The following DIS3L2 variants were observed in gnomAD, a reference collection of about 807,000 sequenced individuals.
The protein encoded by DIS3L2 is DIS3-like exonuclease 2.
DIS3L2 carries 34 observed loss-of-function variants against 97.5 expected under a neutral mutation model. The observed-to-expected ratio is 0.35, with a 90% CI of 0.27 to 0.46. DIS3L2 has a LOEUF of 0.46. Ranked by LOEUF, DIS3L2 falls within the 20% of genes least tolerant of loss-of-function variation. DIS3L2 has a pLI of 1.00. For synonymous variants in DIS3L2, 435 were observed against 445.2 expected, an observed-to-expected ratio of 0.98 and a Z score of 0.29; for missense variants, 1,038 against 1,146.0, an observed-to-expected ratio of 0.91 and a Z score of 1.36.
chr2:232,037,386 C>A lies in DIS3L2; in HGVS notation c.366+7306C>A, dbSNP rs967074702. ...CTCCGTAATGGCAGACGCCCCTCCCCACCAAGCTCAAGTGTCCCAGGTCGA... is the reference window on the plus strand; with the variant it reads ...CTCCGTAATGGCAGACGCCCCTCCCAACCAAGCTCAAGTGTCCCAGGTCGA... On this transcript the variant is annotated intron_variant, in intron 5 of 20. Coordinates refer to ENST00000325385, the MANE Select transcript of DIS3L2 (RefSeq NM_152383.5). This position sits in a 1 kb window ranked among gnomAD's most constrained non-coding sequence, Gnocchi z 4.6. Among the ~76,000 whole-genome samples the A allele has an allele frequency of 6.6e-6, 1 of 152,212 alleles. No individual in the cohort carries two copies. Among genetic ancestry groups the A allele is most frequent in the African/African-American group, 2.4e-5 (1 of 41,456 alleles).
intron 9 of DIS3L2, among the ~76,000 whole-genome samples, chr2:232,201,380 T>G (rs1382896215): frequency 6.6e-6 from 1 of 152,236 alleles, no homozygotes; most frequent in Non-Finnish European, 1.5e-5. Context: ...TTTCTGTCTA[T>G]CCCTTTCTTC....
chr2:231,984,870 C>G (rs1693367769), intron 1 of DIS3L2, among the ~76,000 whole-genome samples: 3 of 152,224 alleles, frequency 2.0e-5, no homozygotes, highest in African/African-American at 7.2e-5. Flanking sequence ...ATCTGCCTGC[C>G]TCAGCCTCCT....
intron 6 of DIS3L2, among the ~76,000 whole-genome samples, chr2:232,100,494 T>G (rs796387178): frequency 2.6e-5 from 4 of 152,236 alleles, no homozygotes; most frequent in African/African-American, 9.6e-5. Context: ...TCTTGTTTTC[T>G]TTGAACTGTT....
chr2:232,173,982 G>C (rs1186565424), intron 9 of DIS3L2, among the ~76,000 whole-genome samples: 2 of 152,118 alleles, frequency 1.3e-5, no homozygotes, highest in Non-Finnish European at 2.9e-5. Flanking sequence ...AGGCACTCAG[G>C]ATTTTCATAA....
At chr2:232,232,694 C>T (rs531164171) in intron 10 of DIS3L2, among the ~76,000 whole-genome samples, 2 of 152,056 alleles carry the variant, frequency 1.3e-5, no homozygotes, top group African/African-American at 4.8e-5. Context: ...GTGATGTGAC[C>T]GTGGGACAGC....
intron 5 of DIS3L2, among the ~76,000 whole-genome samples, chr2:232,056,154 T>G (rs1244171649): frequency 6.6e-6 from 1 of 152,108 alleles, no homozygotes; most frequent in East Asian, 1.9e-4. Context: ...GCAGATCACC[T>G]GAGGTCAGGA....
At chr2:232,138,740 G>A (rs533101657) in intron 8 of DIS3L2, among the ~76,000 whole-genome samples, 3 of 152,206 alleles carry the variant, frequency 2.0e-5, no homozygotes, top group South Asian at 2.1e-4. Context: ...CTGTGGGTGC[G>A]AAAGTGTTAT....
chr2:232,222,535 G>A (rs1078093), intron 10 of DIS3L2, among the ~76,000 whole-genome samples: 70,787 of 151,978 alleles, frequency 0.47, 18,057 homozygotes, highest in African/African-American at 0.67. Flanking sequence ...CGATGGCGCA[G>A]TCTTGGCTTA....
chr2:232,292,485 C>T lies in DIS3L2; in HGVS notation c.1660-7555C>T, dbSNP rs1262594966. 6.6e-6 allele frequency among the ~76,000 whole-genome samples: 1 copy of T among 152,168 alleles called. No homozygotes were observed. The highest frequency in any genetic ancestry group is 1.5e-5 in the Non-Finnish European group (1 of 68,024). The stretch of plus-strand genomic sequence containing the variant: ...CAACAACCCCAACAGGGCCTGCATC[C>T]CATGTTCCCACAGAGTCTGGGGAAG... On this transcript the variant is annotated intron_variant, in intron 13 of 20. Transcript: ENST00000325385. This position sits in a 1 kb window ranked among gnomAD's most constrained non-coding sequence, Gnocchi z 4.4.
chr2:232,298,537 C>T (rs180848623), intron 13 of DIS3L2, among the ~76,000 whole-genome samples: 4 of 152,240 alleles, frequency 2.6e-5, no homozygotes, highest in African/African-American at 9.6e-5. Context: ...TCATGATGGT[C>T]GAGAAGGGCT....
chr2:232,025,552 C>T (rs1461278175), intron 4 of DIS3L2, among the ~76,000 whole-genome samples: 1 of 152,062 alleles, frequency 6.6e-6, no homozygotes, highest in African/African-American at 2.4e-5. Flanking sequence ...ATATTCTGTT[C>T]CTGTTAGAGA....
At chr2:232,330,505 A>C (rs1695703695) in intron 15 of DIS3L2, among the ~76,000 whole-genome samples, 185 bp from the exon 16 acceptor site, 1 of 152,128 alleles carries the variant, frequency 6.6e-6, no homozygotes, top group Admixed American at 6.5e-5. Flanking sequence ...AAAAACATGG[A>C]AGTGTGGGCC....
chr2:232,143,955 T>A (rs1281041342), intron 8 of DIS3L2, among the ~76,000 whole-genome samples: 1 of 152,172 alleles, frequency 6.6e-6, no homozygotes, highest in Non-Finnish European at 1.5e-5. Context: ...TTTTGAACCT[T>A]TACAAAATAC....
At position 232,087,480 on chromosome 2, in the gene DIS3L2, T is replaced by C; in HGVS notation, c.367-7T>C. ...GTGATTTAGCAGAATTTTTCTGTTT[T>C]CTTTAGGTAGTTAAACCAGAGAGCA... On this transcript the variant is annotated splice_polypyrimidine_tract_variant and splice_region_variant and intron_variant, in intron 5 of 20. Transcript: ENST00000325385. The C allele has an allele frequency of 6.3e-7, 1 of 1,596,570 alleles. No homozygotes were observed. Among genetic ancestry groups the C allele is most frequent in the Non-Finnish European group, 8.5e-7 (1 of 1,171,584 alleles).
chr2:232,011,633 G>C (rs1242024985), intron 1 of DIS3L2, among the ~76,000 whole-genome samples: 1 of 151,784 alleles, frequency 6.6e-6, no homozygotes, highest in East Asian at 1.9e-4. Context: ...GATTACAGGC[G>C]TGAGCCACTG....
chr2:232,116,973 G>A (rs1009961554), intron 6 of DIS3L2, among the ~76,000 whole-genome samples: 4 of 152,178 alleles, frequency 2.6e-5, no homozygotes, highest in African/African-American at 9.7e-5. Flanking sequence ...AAGTTCAGCT[G>A]CACTGTGAAG....
rs1321231555 is a variant in DIS3L2 at position 232,147,171 on chromosome 2, G to C, written c.950+10452G>C. Among the ~76,000 whole-genome samples, 5 of 152,062 alleles carry C rather than the reference G, an allele frequency of 3.3e-5. No homozygotes were observed. The East Asian group carries it at 9.6e-4, about 29-fold the overall frequency. On this transcript the variant is annotated intron_variant, in intron 8 of 20. Coordinates refer to ENST00000325385, the MANE Select transcript of DIS3L2 (RefSeq NM_152383.5). ...TAATAAATAGGAATGGGGTCTTGCT[G>C]TGTTGTCCAAACAGGTCTTGAACTC...
intron 10 of DIS3L2, among the ~76,000 whole-genome samples, chr2:232,236,923 T>C (rs376579845): frequency 6.6e-6 from 1 of 151,990 alleles, no homozygotes; most frequent in Admixed American, 6.5e-5. Flanking sequence ...GGCTAATTTT[T>C]ATTTTTAGTA....
intron 6 of DIS3L2, among the ~76,000 whole-genome samples, chr2:232,105,639 AT>A (rs1697337400): frequency 1.3e-5 from 2 of 152,212 alleles, no homozygotes; most frequent in Non-Finnish European, 2.9e-5. Context: ...TTTATAGAAT[AT>A]ACTCTGCCCC....
Sources: allele counts gnomAD v4.1 joint callset (sites outside exome capture counted in the v4.1 genomes callset), GRCh38; gene constraint gnomAD v4.1.1; non-coding constraint Gnocchi (gnomAD v3.1); transcripts MANE v1.5; gene names NCBI Gene and HGNC (gene_info 2026-07-23, HGNC 2026-07-21).